Variants in RFX3 observed in about 807,000 individuals in gnomAD.
RFX3 encodes the protein transcription factor RFX3.
In RFX3, 14 loss-of-function variants were observed where a neutral mutation model predicts 98.6. That is an observed-to-expected ratio of 0.14 (90% CI 0.09 to 0.22). RFX3 has a LOEUF of 0.22. Among genes scored for constraint, RFX3 ranks in the 10% least tolerant of loss-of-function variants. The pLI, the probability that RFX3 is intolerant of heterozygous loss-of-function variation, is 1.00. For synonymous variants in RFX3, 383 were observed against 328.4 expected, an observed-to-expected ratio of 1.17 and a Z score of -1.80; for missense variants, 639 against 926.9, an observed-to-expected ratio of 0.69 and a Z score of 4.03.
At chr9:3,385,925 T>C (rs1334492863) in intron 2 of RFX3, among the ~76,000 whole-genome samples, 2 of 152,096 alleles carry the variant, frequency 1.3e-5, no homozygotes, top group Admixed American at 6.6e-5. Flanking sequence ...TTTTATGAGG[T>C]AGATAAAATG....
At chr9:3,297,023 T>G (rs975523571) in intron 5 of RFX3, among the ~76,000 whole-genome samples, 1 of 152,110 alleles carries the variant, frequency 6.6e-6, no homozygotes, top group Middle Eastern at 3.2e-3. Flanking sequence ...GAAGCATTAC[T>G]TTGACTGTAA....
chr9:3,494,500 G>A (rs1850966273), intron 1 of RFX3, among the ~76,000 whole-genome samples: 1 of 152,168 alleles, frequency 6.6e-6, no homozygotes, highest in Non-Finnish European at 1.5e-5. Context: ...AGCTAGAAAT[G>A]TGACATTCTG....
intron 2 of RFX3, among the ~76,000 whole-genome samples, chr9:3,391,914 A>G (rs1205596812): frequency 1.3e-5 from 2 of 152,194 alleles, no homozygotes. Context: ...AATACCAAGC[A>G]TGGGTAATAC....
chr9:3,483,455 C>T (rs1849985094), intron 1 of RFX3, among the ~76,000 whole-genome samples: 1 of 152,022 alleles, frequency 6.6e-6, no homozygotes, highest in African/African-American at 2.4e-5. Flanking sequence ...CCAATATATG[C>T]AATTTATGGC....
chr9:3,259,536 G>T (rs902192939), intron 13 of RFX3, among the ~76,000 whole-genome samples: 1 of 150,604 alleles, frequency 6.6e-6, no homozygotes, highest in African/African-American at 2.4e-5. Context: ...ATGAAAAGTA[G>T]TCAGGAACTT....
At chr9:3,479,386 AAAAC>A (rs1849545398) in intron 1 of RFX3, among the ~76,000 whole-genome samples, 1 of 152,188 alleles carries the variant, frequency 6.6e-6, no homozygotes, top group Admixed American at 6.5e-5. Flanking sequence ...TTAACCAAAA[AAAAC>A]AAACCCTCAC....
intron 3 of RFX3, among the ~76,000 whole-genome samples, chr9:3,343,282 A>T (rs765492247): frequency 6.6e-6 from 1 of 152,172 alleles, no homozygotes; most frequent in African/African-American, 2.4e-5. Flanking sequence ...GGTGCTCAAA[A>T]GTTCATGATA....
chr9:3,239,321 T>C (rs566072520), intron 15 of RFX3, among the ~76,000 whole-genome samples: 3 of 152,366 alleles, frequency 2.0e-5, no homozygotes, highest in East Asian at 1.9e-4. Flanking sequence ...TATGTGTATG[T>C]GTACTTTTCT....
At chr9:3,283,241 T>G (rs143845949) in intron 7 of RFX3, among the ~76,000 whole-genome samples, 2,190 of 151,810 alleles carry the variant, frequency 0.014, 49 homozygotes, top group African/African-American at 0.049. Flanking sequence ...ACACTAAATA[T>G]CCCATAAGAA....
intron 1 of RFX3, among the ~76,000 whole-genome samples, chr9:3,492,933 T>G (rs1050991459): frequency 6.6e-6 from 1 of 152,150 alleles, no homozygotes; most frequent in Non-Finnish European, 1.5e-5. Context: ...TTGCTCTTAT[T>G]GGTGTCGGGG....
chr9:3,462,626 C>A (rs999964507), intron 1 of RFX3, among the ~76,000 whole-genome samples: 4 of 151,978 alleles, frequency 2.6e-5, no homozygotes, highest in African/African-American at 9.7e-5. Flanking sequence ...ACATGATTGT[C>A]TATGCAGAAC....
chr9:3,475,825 G>C (rs947245169), intron 1 of RFX3, among the ~76,000 whole-genome samples: 2 of 151,592 alleles, frequency 1.3e-5, no homozygotes, highest in East Asian at 1.9e-4. Flanking sequence ...AGGTGGAGTA[G>C]AGTGTCTTCT....
chr9:3,524,711 T>A, intron 1 of RFX3: 1 of 758,564 alleles, frequency 1.3e-6, no homozygotes, highest in Non-Finnish European at 1.6e-6. Context: ...AGGAGGATCA[T>A]CAAAGTGAAA....
At chr9:3,396,220 G>A in intron 1 of RFX3, among the ~76,000 whole-genome samples, 1 of 151,734 alleles carries the variant, frequency 6.6e-6, no homozygotes, top group Non-Finnish European at 1.5e-5. Flanking sequence ...GCCCCGATGT[G>A]TGATGTTCTC....
At chr9:3,499,761 C>G (rs557728673) in intron 1 of RFX3, among the ~76,000 whole-genome samples, 3 of 152,096 alleles carry the variant, frequency 2.0e-5, no homozygotes, top group Non-Finnish European at 4.4e-5. Flanking sequence ...CCAAAGACCA[C>G]ACACACAAAA....
chr9:3,320,770 T>C (rs1476252243), intron 4 of RFX3, among the ~76,000 whole-genome samples: 5 of 19,646 alleles, frequency 2.5e-4, no homozygotes, highest in South Asian at 2.4e-3. Flanking sequence ...CTACATAGCA[T>C]ATATATATAT....
chr9:3,278,479 C>G (rs551838963), intron 7 of RFX3, among the ~76,000 whole-genome samples: 5 of 151,654 alleles, frequency 3.3e-5, no homozygotes, highest in Non-Finnish European at 7.4e-5. Context: ...TACAAACAAA[C>G]TAGTATTCTC....
At chr9:3,489,432 C>G (rs147298695) in intron 1 of RFX3, 114 of 985,144 alleles carry the variant, frequency 1.2e-4, no homozygotes, top group Non-Finnish European at 1.4e-4. Context: ...CAGAAGTTCA[C>G]ACAAACAAGC....
chr9:3,363,453 G>A (rs1836689267), intron 2 of RFX3, among the ~76,000 whole-genome samples: 1 of 152,162 alleles, frequency 6.6e-6, no homozygotes, highest in Admixed American at 6.5e-5. Context: ...TTACAGGAGA[G>A]TTAAATAAAG....
Sources: allele counts gnomAD v4.1 joint callset (sites outside exome capture counted in the v4.1 genomes callset), GRCh38; gene constraint gnomAD v4.1.1; transcripts MANE v1.5; gene names NCBI Gene and HGNC (gene_info 2026-07-23, HGNC 2026-07-21).